The following FAM178B variants were observed in gnomAD, a reference collection of about 807,000 sequenced individuals.
FAM178B encodes the protein protein FAM178B.
A neutral mutation model predicts 91.7 loss-of-function variants in FAM178B; 82 were observed. The ratio of observed to expected loss-of-function variants is 0.89; its 90% confidence interval spans 0.75 to 1.07. The LOEUF (loss-of-function observed/expected upper bound fraction) is 1.07, where lower values mean the gene tolerates loss of function less well. FAM178B is among the 50% of genes least tolerant of loss of function. The probability of loss-of-function intolerance (pLI) is 0.00; values close to 1 mark genes in which losing one functional copy is unlikely to be tolerated. For synonymous variants in FAM178B, 368 were observed against 359.4 expected, an observed-to-expected ratio of 1.02 and a Z score of -0.27; for missense variants, 769 against 846.7, an observed-to-expected ratio of 0.91 and a Z score of 1.14.
intron 5 of FAM178B, among the ~76,000 whole-genome samples, chr2:96,965,288 T>C (rs1330406852): frequency 1.3e-5 from 2 of 151,988 alleles, no homozygotes; most frequent in African/African-American, 2.4e-5. Context: ...GATTACAAGA[T>C]GAGAGCCACC....
At chr2:96,915,813 AAAAAAG>A (rs1248450545) in intron 12 of FAM178B, among the ~76,000 whole-genome samples, 1 of 151,868 alleles carries the variant, frequency 6.6e-6, no homozygotes, top group Non-Finnish European at 1.5e-5. Flanking sequence ...GGGAAAAAAA[AAAAAAG>A]AAAAAGAAAA....
At chr2:96,962,023 T>C (rs1308331063) in intron 5 of FAM178B, among the ~76,000 whole-genome samples, 1 of 152,158 alleles carries the variant, frequency 6.6e-6, no homozygotes, top group Non-Finnish European at 1.5e-5. Context: ...GAACAAATTA[T>C]TAAAAGCCTA....
chr2:96,941,923 G>A (rs1429655235), intron 8 of FAM178B, among the ~76,000 whole-genome samples: 1 of 152,172 alleles, frequency 6.6e-6, no homozygotes, highest in Non-Finnish European at 1.5e-5. Context: ...GAAACTTGAG[G>A]TCATTTCATT....
At position 96,972,287 on chromosome 2, in the gene FAM178B, A is replaced by G; in HGVS notation, c.178T>C (p.Tyr60His). 2.7e-6 allele frequency: 4 copies of G among 1,484,252 alleles called. No individual in the cohort carries two copies. The highest frequency in any genetic ancestry group is 3.6e-6 in the Non-Finnish European group (4 of 1,115,996). The allele number at this position is 1,484,252 out of a possible 1,614,324, so 91.9% of individuals were successfully genotyped here. ...TCTGACAAGCCATCCTCCAGGTTGT[A>G]CAGGAGGATGGGCACGGTGGCGGCA... The part of the protein sequence containing the change: ...QAAATVPILL[Y>H]NLEDGLSDHP... The change falls in exon 3 of 17, where the codon TAC (tyrosine) becomes CAC (histidine). Residue 60 changes from tyrosine (Y) to histidine (H), a missense_variant. By Grantham distance (83) the Tyr-to-His change is moderately conservative. Transcript: ENST00000490605.
intron 6 of FAM178B, among the ~76,000 whole-genome samples, chr2:96,957,990 A>T (rs1018346800): frequency 1.3e-5 from 2 of 152,180 alleles, no homozygotes. Context: ...TCAATGTAAT[A>T]AAGTATTAGT....
intron 1 of FAM178B, among the ~76,000 whole-genome samples, chr2:96,972,966 C>T (rs190232794): frequency 5.9e-5 from 9 of 151,808 alleles, no homozygotes; most frequent in African/African-American, 1.9e-4. Flanking sequence ...TACAGACATG[C>T]GCCAAGGTGG....
chr2:96,905,871 T>A lies in FAM178B; in HGVS notation c.1563-3164A>T, dbSNP rs1159231210. On this transcript the variant is annotated intron_variant, in intron 12 of 16. Transcript: ENST00000490605. ...ATATATATATATATATTTTTTTTTTTTTTTTTTTTTTTTTTTTGAGATGGA... is the reference window on the plus strand; with the variant it reads ...ATATATATATATATATTTTTTTTTTATTTTTTTTTTTTTTTTTGAGATGGA... Among the ~76,000 whole-genome samples the A allele has an allele frequency of 5.9e-4, 43 of 72,988 alleles. 1 individual carries two copies. Among genetic ancestry groups the A allele is most frequent in the African/African-American group, 1.9e-3 (32 of 16,588 alleles). 47.9% of individuals were successfully genotyped at this position (72,988 alleles called of 152,430 possible).
chr2:96,882,719 C>A (rs147426783), intron 14 of FAM178B, among the ~76,000 whole-genome samples: 2 of 152,160 alleles, frequency 1.3e-5, no homozygotes, highest in Non-Finnish European at 2.9e-5. Flanking sequence ...CTGCTTGGTG[C>A]GGTGGGGATG....
chr2:96,879,684 C>T (rs889768425), intron 14 of FAM178B, among the ~76,000 whole-genome samples: 1 of 152,274 alleles, frequency 6.6e-6, no homozygotes, highest in African/African-American at 2.4e-5. Flanking sequence ...GGTGGTCTGA[C>T]TCCACAGGCT....
At chr2:96,981,100 G>A (rs1335230928) in intron 1 of FAM178B, among the ~76,000 whole-genome samples, 1 of 152,044 alleles carries the variant, frequency 6.6e-6, no homozygotes, top group Admixed American at 6.6e-5. Flanking sequence ...CAAGTAGCTG[G>A]GATTACAGGC....
At chr2:96,901,832 TAAATA>T (rs1176041300) in intron 13 of FAM178B, among the ~76,000 whole-genome samples, 2 of 152,166 alleles carry the variant, frequency 1.3e-5, no homozygotes, top group African/African-American at 4.8e-5. Flanking sequence ...ACAAAAAAAT[TAAATA>T]AATGAATTTA....
intron 14 of FAM178B, among the ~76,000 whole-genome samples, chr2:96,882,312 G>A (rs551691385): frequency 1.2e-3 from 183 of 152,318 alleles, no homozygotes; most frequent in African/African-American, 4.2e-3. Context: ...CAGCGGCTGT[G>A]GACACCCGAT....
intron 6 of FAM178B, 84 bp downstream of exon 6, chr2:96,960,204 G>T: frequency 6.9e-7 from 1 of 1,456,734 alleles, no homozygotes; most frequent in Admixed American, 2.4e-5. Flanking sequence ...TTCCCCCTTT[G>T]GGGTGGCCCT....
At chr2:96,878,775 C>T (rs866974290) in intron 14 of FAM178B, among the ~76,000 whole-genome samples, 113 of 152,330 alleles carry the variant, frequency 7.4e-4, no homozygotes, top group African/African-American at 2.6e-3. Flanking sequence ...AAGGAGTCAG[C>T]CATCCAGAAA....
At chr2:96,886,170 C>A (rs752445630) in intron 14 of FAM178B, among the ~76,000 whole-genome samples, 4 of 152,222 alleles carry the variant, frequency 2.6e-5, no homozygotes, top group Non-Finnish European at 5.9e-5. Context: ...CCTTTCCCTT[C>A]CTTTGTAAGA....
At chr2:96,897,486 T>G (rs2153368962) in intron 13 of FAM178B, among the ~76,000 whole-genome samples, 1 of 152,338 alleles carries the variant, frequency 6.6e-6, no homozygotes, top group East Asian at 1.9e-4. Context: ...TGCCCCAGGA[T>G]AAGAAGCAAA....
intron 16 of FAM178B, chr2:96,877,614 G>C (rs1294266190): frequency 7.4e-6 from 3 of 405,548 alleles, no homozygotes; most frequent in African/African-American, 6.0e-5. Flanking sequence ...TGTTGGCCAG[G>C]CTGGTCTCCT....
chr2:96,932,631 CTG>C (rs1460924818), intron 8 of FAM178B, among the ~76,000 whole-genome samples: 2 of 152,162 alleles, frequency 1.3e-5, no homozygotes, highest in African/African-American at 2.4e-5. Context: ...CACCGGAACA[CTG>C]TGTCTTTTAA....
At chr2:96,929,728 G>A (rs980597999) in intron 8 of FAM178B, among the ~76,000 whole-genome samples, 21 of 152,314 alleles carry the variant, frequency 1.4e-4, no homozygotes, top group South Asian at 2.1e-4. Flanking sequence ...GCAAAGCACC[G>A]AGGCTGACAC....
Sources: allele counts gnomAD v4.1 joint callset (sites outside exome capture counted in the v4.1 genomes callset), GRCh38; gene constraint gnomAD v4.1.1; transcripts MANE v1.5; gene names NCBI Gene and HGNC (gene_info 2026-07-23, HGNC 2026-07-21).